GRID2: variants seen among roughly 807,000 people sequenced by gnomAD.
GRID2 encodes the protein glutamate ionotropic receptor delta type subunit 2.
Under a neutral mutation model 114.8 loss-of-function variants are expected in GRID2, and 33 were observed. That is an observed-to-expected ratio of 0.29 (90% CI 0.22 to 0.38). GRID2 has a LOEUF of 0.38. GRID2 is among the 10% of genes least tolerant of loss of function. The probability of loss-of-function intolerance (pLI) is 1.00; values close to 1 mark genes in which losing one functional copy is unlikely to be tolerated. For synonymous variants in GRID2, 505 were observed against 449.9 expected, an observed-to-expected ratio of 1.12 and a Z score of -1.55; for missense variants, 1,184 against 1,257.7, an observed-to-expected ratio of 0.94 and a Z score of 0.89.
chr4:93,152,159 C>G (rs974911512), intron 4 of GRID2, among the ~76,000 whole-genome samples: 1 of 152,048 alleles, frequency 6.6e-6, no homozygotes, highest in Admixed American at 6.6e-5. Flanking sequence ...AAAATACATA[C>G]AAAATAATAT....
intron 1 of GRID2, among the ~76,000 whole-genome samples, chr4:93,799,436 C>T (rs977471045): frequency 3.3e-5 from 5 of 151,428 alleles, no homozygotes; most frequent in African/African-American, 1.2e-4. Flanking sequence ...GAACTGCAGC[C>T]CCTTTTTTTT....
At chr4:93,412,843 A>G (rs926221127) in intron 9 of GRID2, among the ~76,000 whole-genome samples, 1 of 152,046 alleles carries the variant, frequency 6.6e-6, no homozygotes. Flanking sequence ...GAGAACATGA[A>G]GTGTTTGGTT....
intron 1 of GRID2, among the ~76,000 whole-genome samples, chr4:92,384,597 AC>A (rs1729825915): frequency 6.7e-5 from 2 of 29,796 alleles, no homozygotes; most frequent in African/African-American, 1.8e-4. Flanking sequence ...ATTATATATA[AC>A]ATAATATATA....
At chr4:93,012,027 G>A (rs530506655) in intron 2 of GRID2, among the ~76,000 whole-genome samples, 2 of 148,540 alleles carry the variant, frequency 1.3e-5, no homozygotes, top group East Asian at 4.0e-4. Context: ...GAAATAGTTG[G>A]TCACCTGGAA....
chr4:93,715,992 T>A (rs1182164812), intron 14 of GRID2, among the ~76,000 whole-genome samples: 1 of 152,172 alleles, frequency 6.6e-6, no homozygotes, highest in African/African-American at 2.4e-5. Flanking sequence ...AGAGAGGGTA[T>A]CCTTGTCTTG....
At chr4:92,803,322 T>C (rs1740261865) in intron 2 of GRID2, among the ~76,000 whole-genome samples, 1 of 151,996 alleles carries the variant, frequency 6.6e-6, no homozygotes, top group African/African-American at 2.4e-5. Flanking sequence ...GGAGTCCCCA[T>C]TAGATATTAT....
intron 13 of GRID2, among the ~76,000 whole-genome samples, chr4:93,552,396 G>A (rs1733851028): frequency 6.6e-6 from 1 of 152,136 alleles, no homozygotes; most frequent in African/African-American, 2.4e-5. Flanking sequence ...TATATACCCA[G>A]TAATGGGATG....
At chr4:93,150,854 C>T (rs142942311) in intron 4 of GRID2, among the ~76,000 whole-genome samples, 26 of 152,026 alleles carry the variant, frequency 1.7e-4, no homozygotes, top group Non-Finnish European at 3.2e-4. Flanking sequence ...AGGTCGGGCG[C>T]GGTGGCTCTC....
chr4:93,256,020 T>C (rs2149539377), intron 8 of GRID2, among the ~76,000 whole-genome samples: 1 of 152,228 alleles, frequency 6.6e-6, no homozygotes, highest in South Asian at 2.1e-4. Context: ...ATAAGGTAAA[T>C]CAATTCTTTC....
At chr4:93,113,347 A>T (rs1230405258) in intron 4 of GRID2, among the ~76,000 whole-genome samples, 1 of 152,212 alleles carries the variant, frequency 6.6e-6, no homozygotes, top group Non-Finnish European at 1.5e-5. Context: ...TCAAGATGAC[A>T]CAACTAGGAA....
At chr4:92,901,666 T>C (rs1374351137) in intron 2 of GRID2, among the ~76,000 whole-genome samples, 2 of 152,216 alleles carry the variant, frequency 1.3e-5, no homozygotes, top group Non-Finnish European at 2.9e-5. Flanking sequence ...ATCACATTTA[T>C]TGATTTGTAT....
chr4:93,212,128 C>T (rs529226958), intron 5 of GRID2, among the ~76,000 whole-genome samples: 46 of 151,924 alleles, frequency 3.0e-4, no homozygotes, highest in African/African-American at 9.4e-4. Flanking sequence ...ATAAAAAAAA[C>T]CCTCAAAAGA....
intron 8 of GRID2, among the ~76,000 whole-genome samples, chr4:93,316,421 AAAG>A (rs1357388989): frequency 1.3e-5 from 2 of 152,062 alleles, no homozygotes; most frequent in East Asian, 1.9e-4. Context: ...GAAAAGAATG[AAAG>A]AAGAAAGAAA....
intron 1 of GRID2, among the ~76,000 whole-genome samples, chr4:92,326,927 TC>T (rs1333770037): frequency 6.6e-6 from 1 of 152,064 alleles, no homozygotes; most frequent in Admixed American, 6.6e-5. Flanking sequence ...CCTCAGGTAG[TC>T]CCCTTGCCAA....
intron 2 of GRID2, among the ~76,000 whole-genome samples, chr4:93,061,055 A>T (rs1727743999): frequency 6.6e-6 from 1 of 151,958 alleles, no homozygotes; most frequent in Admixed American, 6.6e-5. Flanking sequence ...GTGAGCCAAA[A>T]TTGCACCACT....
chr4:92,676,031 A>G (rs908796241), intron 2 of GRID2, among the ~76,000 whole-genome samples: 1 of 152,056 alleles, frequency 6.6e-6, no homozygotes. Context: ...CTAATTATTC[A>G]TGGAAGAGGG....
At chr4:92,375,508 G>T (rs1729312672) in intron 1 of GRID2, among the ~76,000 whole-genome samples, 1 of 152,268 alleles carries the variant, frequency 6.6e-6, no homozygotes. Context: ...AGAGGTTACT[G>T]ATTAATGCCA....
At chr4:92,333,606 T>G (rs1727009266) in intron 1 of GRID2, among the ~76,000 whole-genome samples, 1 of 152,182 alleles carries the variant, frequency 6.6e-6, no homozygotes, top group Admixed American at 6.5e-5. Context: ...GCTTCCCTTT[T>G]ATTTATAAAT....
intron 8 of GRID2, among the ~76,000 whole-genome samples, chr4:93,268,447 C>T (rs1246704165): frequency 6.6e-6 from 1 of 152,104 alleles, no homozygotes; most frequent in Non-Finnish European, 1.5e-5. Context: ...AGAGCTTCAA[C>T]ATATGAATTT....
Sources: gnomAD v4.1 joint callset for allele counts (sites outside exome capture counted in the v4.1 genomes callset) on GRCh38, gnomAD v4.1.1 for gene constraint, MANE v1.5 for transcripts, NCBI Gene and HGNC (gene_info 2026-07-23, HGNC 2026-07-21) for gene names.